Variants in CEP350 observed in about 807,000 individuals in gnomAD.
The protein encoded by CEP350 is centrosomal protein 350.
A neutral mutation model predicts 331.8 loss-of-function variants in CEP350; 126 were observed. That is an observed-to-expected ratio of 0.38 (90% CI 0.33 to 0.44). CEP350 has a LOEUF of 0.44. Ranked by LOEUF, CEP350 falls within the 20% of genes least tolerant of loss-of-function variation. The pLI is 1.00. For synonymous variants in CEP350, 1,200 were observed against 1,259.5 expected, an observed-to-expected ratio of 0.95 and a Z score of 1.00; for missense variants, 3,406 against 3,634.6, an observed-to-expected ratio of 0.94 and a Z score of 1.62.
chr1:179,983,056 T>C lies in CEP350; in HGVS notation c.-13-3113T>C, dbSNP rs543512125. On this transcript the variant is annotated intron_variant, in intron 1 of 37. Transcript: ENST00000367607. ...CACCTCCTGCGGCCTCCCAAAGTGCTGGGATTACAGGCGTGAGCCACCGCG... is the reference window on the plus strand; with the variant it reads ...CACCTCCTGCGGCCTCCCAAAGTGCCGGGATTACAGGCGTGAGCCACCGCG... Among the ~76,000 whole-genome samples, 9 of 152,314 alleles carry C rather than the reference T, an allele frequency of 5.9e-5. No homozygotes were observed. In the East Asian group the frequency reaches 1.4e-3, roughly 23 times the overall value.
At chr1:180,040,166 A>G (rs941115240) in intron 17 of CEP350, among the ~76,000 whole-genome samples, 1 of 151,754 alleles carries the variant, frequency 6.6e-6, no homozygotes, top group Non-Finnish European at 1.5e-5. Flanking sequence ...ACTAAATAAC[A>G]GTAGTGTTGT....
At chr1:180,106,569 T>A (rs548374220) in intron 37 of CEP350, among the ~76,000 whole-genome samples, 2 of 151,998 alleles carry the variant, frequency 1.3e-5, no homozygotes, top group South Asian at 4.1e-4. Context: ...GTTTCATGGT[T>A]TTGTTTTTGT....
chr1:180,022,823 G>GA lies in CEP350; in HGVS notation c.3369dup (p.Ser1124IlefsTer4). 9 of 1,588,258 alleles carry GA rather than the reference G, an allele frequency of 5.7e-6. No homozygotes were observed. Among genetic ancestry groups the GA allele is most frequent in the East Asian group, 4.5e-5 (2 of 44,244 alleles). On this transcript the variant is annotated frameshift_variant, in exon 13 of 38. Transcript: ENST00000367607. LOFTEE classifies it high-confidence loss of function. ...CTCTCCAGGGACTGGGACTTCGACAGAAAAAAAATCAACTCTTGAACCTCA... is the reference window on the plus strand; with the variant it reads ...CTCTCCAGGGACTGGGACTTCGACAGAAAAAAAAATCAACTCTTGAACCTCA...
At chr1:180,082,606 C>T (rs913092998) in intron 30 of CEP350, among the ~76,000 whole-genome samples, 10 of 152,116 alleles carry the variant, frequency 6.6e-5, no homozygotes, top group East Asian at 1.9e-4. Flanking sequence ...CGAACCAGTG[C>T]GCCCGGACTG....
chr1:179,970,830 T>C lies in CEP350; in HGVS notation c.-13-15339T>C, dbSNP rs74132273. The stretch of plus-strand genomic sequence containing the variant: ...CTTACTTGTGTATACACACCACAGG[T>C]ATAGATCATTGTTTCACAGATGTTT... On this transcript the variant is annotated intron_variant, in intron 1 of 37. Transcript: ENST00000367607. 9.3e-3 allele frequency among the ~76,000 whole-genome samples: 1,421 copies of C among 152,320 alleles called. 21 individuals carry two copies. Among genetic ancestry groups the C allele is most frequent in the African/African-American group, 0.032 (1,328 of 41,562 alleles).
intron 1 of CEP350, among the ~76,000 whole-genome samples, chr1:179,959,525 C>T (rs188832874): frequency 1.9e-4 from 29 of 152,156 alleles, no homozygotes; most frequent in African/African-American, 6.0e-4. Context: ...GAGGCTGAGG[C>T]GGGCAGATCA....
In CEP350 at chr1:180,094,492, T is replaced by C; in HGVS notation, c.8387T>C (p.Val2796Ala). Reference sequence around the variant, plus strand: ...CTTCTTGGTGATGACCAAAAGAAAGTAACACCCCAAGACCTATCCCAAAAT... The same window carrying C: ...CTTCTTGGTGATGACCAAAAGAAAGCAACACCCCAAGACCTATCCCAAAAT... ...QELLGDDQKKVTPQDLSQNVE... is the reference protein window; with the variant it reads ...QELLGDDQKKATPQDLSQNVE... The change falls in exon 34 of 38, where the codon GTA (valine) becomes GCA (alanine). Residue 2796 changes from valine (V) to alanine (A), a missense_variant. By Grantham distance (64) the Val-to-Ala change is moderately conservative (BLOSUM62 0). This residue lies in a region of CEP350 where 1,415 missense variants were observed against 1,512.3 expected (regional missense o/e 0.94). Coordinates refer to ENST00000367607, the MANE Select transcript of CEP350 (RefSeq NM_014810.5). 1 of 1,613,862 alleles carries C rather than the reference T, an allele frequency of 6.2e-7. No homozygotes were observed. The highest frequency in any genetic ancestry group is 1.1e-5 in the South Asian group (1 of 91,048).
In CEP350 at chr1:180,084,186, A is replaced by G. The variant is rs754630405; in HGVS notation, c.6285+8A>G. 1.3e-6 allele frequency: 2 copies of G among 1,577,416 alleles called. No homozygotes were observed. Among genetic ancestry groups the G allele is most frequent in the Non-Finnish European group, 1.7e-6 (2 of 1,162,820 alleles). On this transcript the variant is annotated splice_region_variant and intron_variant, in intron 31 of 37. Transcript: ENST00000367607. Reference sequence around the variant, plus strand: ...CTGATCAAGCAGTTAGAGGTTAGACATAGGAAGAAGGGGGTTTAGTATCAA... The same window carrying G: ...CTGATCAAGCAGTTAGAGGTTAGACGTAGGAAGAAGGGGGTTTAGTATCAA...
intron 27 of CEP350, chr1:180,073,699 T>A (rs1659041573): frequency 1.9e-6 from 2 of 1,040,696 alleles, no homozygotes; most frequent in Non-Finnish European, 2.6e-6. Flanking sequence ...ATATTAAAAG[T>A]TCTTCACTCA....
chr1:180,086,277 G>A (rs1025831552), intron 31 of CEP350, among the ~76,000 whole-genome samples: 2 of 152,110 alleles, frequency 1.3e-5, no homozygotes, highest in African/African-American at 4.8e-5. Flanking sequence ...TTATATTCAG[G>A]ACCGTAGAAG....
At chr1:180,022,396 A>G (rs1571880662) in intron 12 of CEP350, among the ~76,000 whole-genome samples, 2 of 152,064 alleles carry the variant, frequency 1.3e-5, no homozygotes, top group Non-Finnish European at 2.9e-5. Context: ...GGGGTGGGAG[A>G]TGAAGGTAGT....
At position 179,997,153 on chromosome 1, in the gene CEP350, A is replaced by G. The variant is rs762628096; in HGVS notation, c.996A>G (p.Ala332=). The change falls in exon 6 of 38, where the codon GCA becomes GCG. Residue 332 remains alanine (A), a synonymous_variant. Transcript: ENST00000367607. ...VTAKVRKVAT[A]PPAPAYKGFN... The stretch of plus-strand genomic sequence containing the variant: ...CAAAAGTCAGAAAAGTGGCAACAGC[A>G]CCACCTGCTCCAGCATATAAAGGTT... The G allele has an allele frequency of 1.2e-6, 2 of 1,613,498 alleles. No homozygotes were observed. Among genetic ancestry groups the G allele is most frequent in the South Asian group, 2.2e-5 (2 of 91,042 alleles).
intron 30 of CEP350, among the ~76,000 whole-genome samples, chr1:180,081,793 T>C (rs1161500901): frequency 6.6e-6 from 1 of 152,238 alleles, no homozygotes; most frequent in East Asian, 1.9e-4. Flanking sequence ...CACATGTGTA[T>C]GTGATATCAT....
intron 8 of CEP350, 45 bp from the exon 9 acceptor site, chr1:180,011,884 C>T (rs1354215193): frequency 7.5e-7 from 1 of 1,329,938 alleles, no homozygotes; most frequent in East Asian, 2.4e-5. Context: ...ACACTTCTTA[C>T]AATTAAAATT....
At position 179,987,220 on chromosome 1, in the gene CEP350, A is replaced by G; in HGVS notation, c.74-20A>G. 7.2e-7 allele frequency: 1 copy of G among 1,390,158 alleles called. No homozygotes were observed. Among genetic ancestry groups the G allele is most frequent in the Non-Finnish European group, 1.0e-6 (1 of 997,044 alleles). The allele number at this position is 1,390,158 out of a possible 1,614,324, so 86.1% of individuals were successfully genotyped here. A position where few individuals can be genotyped will look rare whatever the true frequency, so the allele number is the denominator to read the frequency against. On this transcript the variant is annotated intron_variant, in intron 2 of 37. Coordinates refer to ENST00000367607, the MANE Select transcript of CEP350 (RefSeq NM_014810.5). The stretch of plus-strand genomic sequence containing the variant: ...GAGATTCTGGTTGATTGATAAAGTA[A>G]ATATCATTTTTTTTCCCAGCAGATA...
intron 3 of CEP350, among the ~76,000 whole-genome samples, chr1:179,987,713 G>C (rs982326795): frequency 6.6e-6 from 1 of 151,686 alleles, no homozygotes; most frequent in Non-Finnish European, 1.5e-5. Flanking sequence ...GATAGCTTGA[G>C]CCCAGGAGTT....
intron 37 of CEP350, among the ~76,000 whole-genome samples, chr1:180,107,754 G>A (rs1241717262): frequency 6.6e-6 from 1 of 152,038 alleles, no homozygotes; most frequent in African/African-American, 2.4e-5. Flanking sequence ...TCTGCTTGCT[G>A]AAATTGGGCC....
chr1:180,052,897 C>A (rs1657602666), intron 22 of CEP350, 73 bp from the exon 23 acceptor site: 1 of 583,048 alleles, frequency 1.7e-6, no homozygotes, highest in East Asian at 2.9e-5. Flanking sequence ...CATAAAGAGG[C>A]AAAGGGCTAT....
rs745840688 is a variant in CEP350, at chr1:180,065,215, G to C, written c.5510G>C (p.Ser1837Thr). ...CCTTCTCCCATTTCAATCTCCAGCA[G>C]TGAAACTAGCAGCATTATGCAGAAA... ...RSPSPISISS[S>T]ETSSIMQKLK... Residue 1837 changes from serine to threonine, a missense_variant, in exon 27 of 38, where the codon AGT (serine) becomes ACT (threonine). By Grantham distance (58) the Ser-to-Thr change is moderately conservative. Coordinates refer to ENST00000367607, the MANE Select transcript of CEP350 (RefSeq NM_014810.5). 3.1e-6 allele frequency: 5 copies of C among 1,613,792 alleles called. No individual in the cohort carries two copies. The East Asian group carries it at 1.1e-4, about 36-fold the overall frequency.
Sources: allele counts gnomAD v4.1 joint callset (sites outside exome capture counted in the v4.1 genomes callset), GRCh38; gene constraint gnomAD v4.1.1; regional missense constraint gnomAD v4.1.1; transcripts MANE v1.5; gene names NCBI Gene and HGNC (gene_info 2026-07-23, HGNC 2026-07-21).